Variants in PDE3A observed in about 807,000 individuals in gnomAD.
The protein encoded by PDE3A is phosphodiesterase 3A, also known as cGMP-inhibited 3',5'-cyclic phosphodiesterase 3A.
Under a neutral mutation model 98.3 loss-of-function variants are expected in PDE3A, and 43 were observed. The ratio of observed to expected loss-of-function variants is 0.44; its 90% CI spans 0.34 to 0.56. PDE3A has a LOEUF of 0.56. Among genes scored for constraint, PDE3A ranks in the 20% least tolerant of loss-of-function variants. PDE3A has a pLI of 0.01. For synonymous variants in PDE3A, 663 were observed against 567.9 expected (o/e 1.17, Z -2.38); for missense variants, 1,427 against 1,440.7 (o/e 0.99, Z 0.15).
chr12:20,386,130 T>TAAATATATAA (rs1943782587), intron 1 of PDE3A, among the ~76,000 whole-genome samples: 1 of 64,118 alleles, frequency 1.6e-5, no homozygotes, highest in Non-Finnish European at 2.8e-5. Flanking sequence ...TAAATATATA[T>TAAATATATAA]AAATATATAT....
intron 1 of PDE3A, among the ~76,000 whole-genome samples, chr12:20,457,671 G>A (rs528496360): frequency 6.6e-6 from 1 of 150,834 alleles, no homozygotes; most frequent in Non-Finnish European, 1.5e-5. Flanking sequence ...TCAAAGTAAG[G>A]GTTAATCTAC....
In PDE3A at chr12:20,480,395, A is replaced by G. The variant is rs918259330; in HGVS notation, c.961-76265A>G. ...TTCCATTAACATCTTTATCATTTAC[A>G]TAGTAAAGCTTTCAGAATATAAAAA... On this transcript the variant is annotated intron_variant, in intron 1 of 15. Coordinates refer to ENST00000359062, the MANE Select transcript of PDE3A (RefSeq NM_000921.5). Among the ~76,000 whole-genome samples, 5 of 152,346 alleles carry G rather than the reference A, an allele frequency of 3.3e-5. No homozygotes were observed. In the South Asian group the frequency reaches 6.2e-4, roughly 19 times the overall value.
At position 20,637,141 on chromosome 12, in the gene PDE3A, C is replaced by A. The variant is rs764459355; in HGVS notation, c.2043C>A (p.Asn681Lys). Residue 681 changes from asparagine to lysine, a missense_variant, in exon 9 of 16, where the codon AAC becomes AAA. Asn to Lys is a moderately conservative substitution (Grantham distance 94). Around this residue, in one of 3 missense-constraint regions of PDE3A, gnomAD observed 1,012 missense variants for 886.5 expected, o/e 1.14. Transcript: ENST00000359062. The stretch of plus-strand genomic sequence containing the variant: ...CTCCCGAACCTCTTGTCATGGATAA[C>A]CTGGACTCAATTATGGAGCAGCTAA... ...ILAPEPLVMDNLDSIMEQLNT... is the reference protein window; with the variant it reads ...ILAPEPLVMDKLDSIMEQLNT... 1 of 1,609,974 alleles carries A rather than the reference C, an allele frequency of 6.2e-7. No homozygotes were observed. The highest frequency in any genetic ancestry group is 1.1e-5 in the South Asian group (1 of 90,612).
At chr12:20,451,637 G>A (rs762392482) in intron 1 of PDE3A, among the ~76,000 whole-genome samples, 1 of 152,054 alleles carries the variant, frequency 6.6e-6, no homozygotes, top group African/African-American at 2.4e-5. Flanking sequence ...ATTTTTTTGT[G>A]GGAGAAAGGA....
intron 15 of PDE3A, among the ~76,000 whole-genome samples, chr12:20,664,309 T>A (rs1244254038): frequency 6.6e-6 from 1 of 152,140 alleles, no homozygotes; most frequent in Non-Finnish European, 1.5e-5. Context: ...ACTTCTGAAC[T>A]CTTGGCTCAA....
intron 2 of PDE3A, among the ~76,000 whole-genome samples, chr12:20,575,343 A>G (rs1259174404): frequency 2.6e-5 from 4 of 152,056 alleles, no homozygotes; most frequent in Admixed American, 6.6e-5. Flanking sequence ...CTAATATAGT[A>G]TTTGGAATTA....
intron 1 of PDE3A, among the ~76,000 whole-genome samples, chr12:20,488,279 C>G (rs763922412): frequency 4.2e-4 from 64 of 152,146 alleles, no homozygotes; most frequent in South Asian, 4.2e-4. Context: ...TTGGGGTTTT[C>G]TTTGATTCAA....
chr12:20,413,540 A>G (rs557637652), intron 1 of PDE3A, among the ~76,000 whole-genome samples: 1 of 152,192 alleles, frequency 6.6e-6, no homozygotes, highest in East Asian at 1.9e-4. Flanking sequence ...TGTGCTGTAG[A>G]ATGCTGGGGA....
intron 2 of PDE3A, among the ~76,000 whole-genome samples, chr12:20,574,047 A>G (rs182991942): frequency 3.9e-5 from 6 of 152,202 alleles, no homozygotes; most frequent in Admixed American, 3.9e-4. Context: ...TTCCATGCCA[A>G]ACCTATATAG....
In PDE3A at chr12:20,370,134, C is replaced by T; in HGVS notation, c.850C>T (p.Pro284Ser). ...QLIAGTKEDI[P>S]VFKRRRRSSS... is the part of the protein sequence containing the mutation. Reference sequence around the variant, plus strand: ...GATTGCTGGGACCAAGGAAGATATCCCGGTGTTTAAGAGGAGGAGGCGGTC... The same window carrying T: ...GATTGCTGGGACCAAGGAAGATATCTCGGTGTTTAAGAGGAGGAGGCGGTC... Residue 284 changes from proline (P) to serine (S), a missense_variant, in exon 1 of 16, where the codon CCG becomes TCG. By Grantham distance (74) the Pro-to-Ser change is moderately conservative. Transcript: ENST00000359062. 1.2e-6 allele frequency: 2 copies of T among 1,613,402 alleles called. No homozygotes were observed. Among genetic ancestry groups the T allele is most frequent in the Non-Finnish European group, 1.7e-6 (2 of 1,179,964 alleles).
intron 15 of PDE3A, among the ~76,000 whole-genome samples, chr12:20,656,959 T>C (rs1945057423): frequency 6.6e-6 from 1 of 152,234 alleles, no homozygotes. Context: ...CCTTCCAGTT[T>C]TTATCAAGTT....
intron 1 of PDE3A, among the ~76,000 whole-genome samples, chr12:20,544,087 G>C (rs1263580130): frequency 6.6e-6 from 1 of 151,476 alleles, no homozygotes; most frequent in Non-Finnish European, 1.5e-5. Context: ...GGTACTTCAA[G>C]ACTCCTGTGG....
At chr12:20,594,538 T>A (rs1943419244) in intron 2 of PDE3A, among the ~76,000 whole-genome samples, 5 of 151,982 alleles carry the variant, frequency 3.3e-5, no homozygotes, top group South Asian at 2.1e-4. Flanking sequence ...GGGGCTTTTT[T>A]TTTTTTTGCT....
intron 1 of PDE3A, among the ~76,000 whole-genome samples, chr12:20,465,953 A>G (rs1945334564): frequency 6.6e-6 from 1 of 152,204 alleles, no homozygotes; most frequent in African/African-American, 2.4e-5. Context: ...TTTTGGATCA[A>G]TAAGAAACCA....
At chr12:20,431,025 A>T (rs981017873) in intron 1 of PDE3A, among the ~76,000 whole-genome samples, 1 of 152,066 alleles carries the variant, frequency 6.6e-6, no homozygotes, top group Non-Finnish European at 1.5e-5. Flanking sequence ...TTTTTAAAAA[A>T]TCTCTATTCT....
intron 4 of PDE3A, among the ~76,000 whole-genome samples, chr12:20,616,969 A>C (rs1944022677): frequency 1.3e-5 from 2 of 152,136 alleles, no homozygotes; most frequent in South Asian, 4.1e-4. Flanking sequence ...ACATCTAAAA[A>C]GAATCTTGAA....
chr12:20,524,543 T>A (rs1350525827), intron 1 of PDE3A, among the ~76,000 whole-genome samples: 1 of 152,168 alleles, frequency 6.6e-6, no homozygotes, highest in Non-Finnish European at 1.5e-5. Context: ...TAATAGCTAG[T>A]TTTTTATTTA....
rs144719235 is a variant in PDE3A, at chr12:20,664,234, T to C, written c.3184+10029T>C. ...TTACCCAGTCTTGAGCAGTTTTTTA[T>C]AGCAGCATGAGAATGGACTAATACA... On this transcript the variant is annotated intron_variant, in intron 15 of 15. Transcript: ENST00000359062. Among the ~76,000 whole-genome samples, 12 of 152,234 alleles carry C rather than the reference T, an allele frequency of 7.9e-5. No homozygotes were observed. The East Asian group carries it at 2.3e-3, about 30-fold the overall frequency.
chr12:20,474,122 T>A (rs1945486402), intron 1 of PDE3A, among the ~76,000 whole-genome samples: 2 of 152,196 alleles, frequency 1.3e-5, no homozygotes, highest in South Asian at 4.1e-4. Context: ...GAATTCTAGT[T>A]GTCCTATATA....
Sources: allele counts gnomAD v4.1 joint callset (sites outside exome capture counted in the v4.1 genomes callset), GRCh38; gene constraint gnomAD v4.1.1; regional missense constraint gnomAD v4.1.1; transcripts MANE v1.5; gene names NCBI Gene and HGNC (gene_info 2026-07-23, HGNC 2026-07-21).